MEGF11: variants seen among roughly 807,000 people sequenced by gnomAD.
MEGF11 encodes the protein multiple EGF like domains 11, also known as multiple epidermal growth factor-like domains protein 11.
Under a neutral mutation model 146.6 loss-of-function variants are expected in MEGF11, and 126 were observed. The ratio of observed to expected loss-of-function variants is 0.86; its 90% confidence interval spans 0.74 to 1.00. The LOEUF is 1.00. Ranked by LOEUF, MEGF11 falls within the 50% of genes least tolerant of loss-of-function variation. The probability of loss-of-function intolerance (pLI) is 0.00; values close to 1 mark genes in which losing one functional copy is unlikely to be tolerated. For synonymous variants in MEGF11, 532 were observed against 583.4 expected (o/e 0.91, Z 1.27); for missense variants, 1,509 against 1,521.2 (o/e 0.99, Z 0.13).
At chr15:66,123,833 G>T in intron 3 of MEGF11, 66 bp downstream of exon 3, 2 of 1,353,860 alleles carry the variant, frequency 1.5e-6, no homozygotes, top group Non-Finnish European at 2.1e-6. Flanking sequence ...TTTCTAACTT[G>T]CACAGAGGCA....
chr15:66,240,369 G>A (rs2092185645), intron 1 of MEGF11, among the ~76,000 whole-genome samples: 1 of 152,226 alleles, frequency 6.6e-6, no homozygotes, highest in Non-Finnish European at 1.5e-5. Context: ...TTGTGGGAAG[G>A]CAAAAGCAGC....
chr15:66,215,048 T>C (rs1225020834), intron 1 of MEGF11, among the ~76,000 whole-genome samples: 1 of 152,090 alleles, frequency 6.6e-6, no homozygotes, highest in Non-Finnish European at 1.5e-5. Context: ...ATGTTCTCTT[T>C]ACCATTAACC....
At chr15:66,111,006 C>T (rs1029268823) in intron 4 of MEGF11, among the ~76,000 whole-genome samples, 1 of 152,138 alleles carries the variant, frequency 6.6e-6, no homozygotes, top group African/African-American at 2.4e-5. Flanking sequence ...ACAGGTTTCT[C>T]CTACTCAGAG....
intron 5 of MEGF11, among the ~76,000 whole-genome samples, chr15:66,041,346 C>G (rs2083967439): frequency 6.6e-6 from 1 of 152,244 alleles, no homozygotes; most frequent in Non-Finnish European, 1.5e-5. Flanking sequence ...AAGAACTTCT[C>G]TGGACCTCAG....
intron 10 of MEGF11, among the ~76,000 whole-genome samples, chr15:65,944,382 G>A (rs1243627456): frequency 6.6e-6 from 1 of 152,200 alleles, no homozygotes; most frequent in African/African-American, 2.4e-5. Context: ...TGGCTGAGGG[G>A]GATGGAGAGC....
intron 1 of MEGF11, among the ~76,000 whole-genome samples, chr15:66,169,653 T>G (rs2090192350): frequency 1.3e-5 from 2 of 152,388 alleles, no homozygotes; most frequent in Middle Eastern, 3.4e-3. Flanking sequence ...GCCACGTCCT[T>G]GGTTCCTTAT....
chr15:65,919,793 T>C (rs1452605835), intron 15 of MEGF11, among the ~76,000 whole-genome samples: 6 of 152,212 alleles, frequency 3.9e-5, no homozygotes, highest in Admixed American at 2.6e-4. Flanking sequence ...CTAATTTTTG[T>C]ATTTTTAGTA....
At chr15:66,148,055 C>G (rs1046431462) in intron 1 of MEGF11, among the ~76,000 whole-genome samples, 6 of 151,930 alleles carry the variant, frequency 3.9e-5, no homozygotes, top group Non-Finnish European at 7.4e-5. Flanking sequence ...GGGAAAAGGC[C>G]GAAGCCATCT....
Position 65,909,019 on chromosome 15 carries a change from G to A in MEGF11, c.2998+15C>T. The A allele has an allele frequency of 1.3e-6, 2 of 1,514,304 alleles. 1 individual carries two copies. The highest frequency in any genetic ancestry group is 2.4e-5 in the South Asian group (2 of 83,546). The allele number at this position is 1,514,304 out of a possible 1,614,324, so 93.8% of individuals were successfully genotyped here. ...GTCTGGCATGAGGGGGTGGAGGGTA[G>A]GGCTGGGGTCTGACCTGGTGAGTGT... On this transcript the variant is annotated intron_variant, in intron 23 of 25. Transcript: ENST00000395614.
At chr15:66,207,537 C>T (rs1250798274) in intron 1 of MEGF11, among the ~76,000 whole-genome samples, 1 of 152,170 alleles carries the variant, frequency 6.6e-6, no homozygotes, top group Non-Finnish European at 1.5e-5. Flanking sequence ...ATCTTCCCTA[C>T]AAGAACTACT....
At chr15:65,952,398 C>T (rs1439448108) in intron 10 of MEGF11, among the ~76,000 whole-genome samples, 1 of 152,168 alleles carries the variant, frequency 6.6e-6, no homozygotes, top group African/African-American at 2.4e-5. Context: ...ACTTAGTCCC[C>T]TCATCCACAA....
chr15:66,123,918 A>C lies in MEGF11; in HGVS notation c.181T>G (p.Phe61Val). The change falls in exon 3 of 26, where the codon TTC (phenylalanine) becomes GTC (valine). Residue 61 changes from phenylalanine (F) to valine (V), a missense_variant. Phe to Val is a conservative substitution (Grantham distance 50). Coordinates refer to ENST00000395614, the MANE Select transcript of MEGF11 (RefSeq NM_001385028.1). ...ACTCACCGGTGCCTGGTGCACTTGAACCAGTTGAGGATGTCTGTGCATCGT... is the reference window on the plus strand; with the variant it reads ...ACTCACCGGTGCCTGGTGCACTTGACCCAGTTGAGGATGTCTGTGCATCGT... ...YTRCTDILNW[F>V]KCTRHRISYK... 1 of 1,613,856 alleles carries C rather than the reference A, an allele frequency of 6.2e-7. No individual in the cohort carries two copies. Among genetic ancestry groups the C allele is most frequent in the Non-Finnish European group, 8.5e-7 (1 of 1,179,764 alleles).
In MEGF11 at chr15:65,982,357, A is replaced by G; in HGVS notation, c.526T>C (p.Cys176Arg). 3 of 1,534,992 alleles carry G rather than the reference A, an allele frequency of 2.0e-6. No homozygotes were observed. The highest frequency in any genetic ancestry group is 2.6e-6 in the Non-Finnish European group (3 of 1,143,258). The change falls in exon 6 of 26, where the codon TGC becomes CGC. Residue 176 changes from cysteine (C) to arginine (R), a missense_variant. Physicochemically the swap from Cys to Arg is radical, Grantham distance 180. Coordinates refer to ENST00000395614, the MANE Select transcript of MEGF11 (RefSeq NM_001385028.1). The surrounding 1 kb of genome is among the most constrained non-coding windows in gnomAD (Gnocchi z 5.6). Reference sequence around the variant, plus strand: ...CCCTTGCCGTGGGTGCCAGGTGCGCAGAGCTCCTCGCAGCGCCATCCACGG... The same window carrying G: ...CCCTTGCCGTGGGTGCCAGGTGCGCGGAGCTCCTCGCAGCGCCATCCACGG... ...GFRGWRCEEL[C>R]APGTHGKGCQ...
intron 5 of MEGF11, among the ~76,000 whole-genome samples, chr15:66,082,695 G>T (rs535202059): frequency 1.7e-3 from 46 of 27,406 alleles, no homozygotes; most frequent in African/African-American, 4.7e-3. Flanking sequence ...AAAAAAGGGC[G>T]GTGCGGAGGG....
chr15:65,934,238 T>A (rs1417064894), intron 10 of MEGF11, among the ~76,000 whole-genome samples: 2 of 151,352 alleles, frequency 1.3e-5, no homozygotes, highest in Admixed American at 1.3e-4. Context: ...CCAAAGTGAG[T>A]TTTTGTTTGT....
intron 1 of MEGF11, among the ~76,000 whole-genome samples, chr15:66,213,301 C>T (rs1487949458): frequency 6.6e-6 from 1 of 152,016 alleles, no homozygotes; most frequent in Non-Finnish European, 1.5e-5. Context: ...TGAAGAGACC[C>T]AGAGAGGGGA....
chr15:66,235,918 C>T (rs139400770), intron 1 of MEGF11, among the ~76,000 whole-genome samples: 1 of 152,322 alleles, frequency 6.6e-6, no homozygotes, highest in East Asian at 1.9e-4. Context: ...AGGGACAGCA[C>T]TGGGTACTGG....
intron 1 of MEGF11, among the ~76,000 whole-genome samples, chr15:66,192,625 C>T (rs990321719): frequency 1.3e-5 from 2 of 152,064 alleles, no homozygotes; most frequent in African/African-American, 4.8e-5. Flanking sequence ...ATAATTTGCC[C>T]AAGGTCACAG....
At chr15:65,938,422 G>A (rs145438879) in intron 10 of MEGF11, among the ~76,000 whole-genome samples, 44 of 152,344 alleles carry the variant, frequency 2.9e-4, no homozygotes, top group Non-Finnish European at 4.8e-4. Context: ...TAAGCACAGA[G>A]CAAGACATCC....
Sources: gnomAD v4.1 joint callset for allele counts (sites outside exome capture counted in the v4.1 genomes callset) on GRCh38, gnomAD v4.1.1 for gene constraint, Gnocchi (gnomAD v3.1) non-coding constraint, MANE v1.5 for transcripts, NCBI Gene and HGNC (gene_info 2026-07-23, HGNC 2026-07-21) for gene names.